Variants in DIAPH3 observed in about 807,000 individuals in gnomAD.
DIAPH3 encodes the protein protein diaphanous homolog 3.
In DIAPH3, 117 loss-of-function variants were observed where a neutral mutation model predicts 144.3. That is an observed-to-expected ratio of 0.81 (90% CI 0.70 to 0.95). The LOEUF (loss-of-function observed/expected upper bound fraction) is 0.95. DIAPH3 is among the 40% of genes least tolerant of loss of function. DIAPH3 has a pLI of 0.00. For synonymous variants in DIAPH3, 519 were observed against 488.9 expected, an observed-to-expected ratio of 1.06 and a Z score of -0.81; for missense variants, 1,421 against 1,412.7, an observed-to-expected ratio of 1.01 and a Z score of -0.09.
intron 27 of DIAPH3, among the ~76,000 whole-genome samples, chr13:59,684,659 TG>T (rs1469348354): frequency 6.6e-6 from 1 of 152,194 alleles, no homozygotes; most frequent in African/African-American, 2.4e-5. Context: ...GCCTCTTTTC[TG>T]ATGGTTACAG....
chr13:59,823,741 T>C (rs902406586), intron 24 of DIAPH3, among the ~76,000 whole-genome samples: 1 of 152,192 alleles, frequency 6.6e-6, no homozygotes, highest in African/African-American at 2.4e-5. Context: ...AAATGGCATT[T>C]AGAGTTGACA....
chr13:60,039,996 G>C (rs1045878450), intron 5 of DIAPH3, among the ~76,000 whole-genome samples: 1 of 151,888 alleles, frequency 6.6e-6, no homozygotes, highest in Non-Finnish European at 1.5e-5. Context: ...AGCACTTTGG[G>C]AGGCCAAGGC....
At position 59,789,674 on chromosome 13, in the gene DIAPH3, C is replaced by T. The variant is rs1362699712; in HGVS notation, c.3164-14851G>A. ...GAACACCGTATGATGCCCAGAGGAG[C>T]CCAGCAGTCATGCTCTGACAGCAGC... On this transcript the variant is annotated intron_variant, in intron 25 of 27. Transcript: ENST00000400324. 2.0e-5 allele frequency among the ~76,000 whole-genome samples: 3 copies of T among 152,060 alleles called. No individual in the cohort carries two copies. The East Asian group carries it at 5.8e-4, about 29-fold the overall frequency.
intron 20 of DIAPH3, among the ~76,000 whole-genome samples, chr13:59,898,242 C>T (rs2046241535): frequency 6.6e-6 from 1 of 151,914 alleles, no homozygotes; most frequent in South Asian, 2.1e-4. Flanking sequence ...TACACACATG[C>T]ATGCTCTCCT....
chr13:60,064,473 T>G (rs1380232312), intron 4 of DIAPH3, among the ~76,000 whole-genome samples: 1 of 152,212 alleles, frequency 6.6e-6, no homozygotes, highest in African/African-American at 2.4e-5. Context: ...ATGAAGGTAG[T>G]TTCTTTCCTT....
chr13:59,881,304 G>A (rs1051870040), intron 20 of DIAPH3, among the ~76,000 whole-genome samples: 1 of 151,976 alleles, frequency 6.6e-6, no homozygotes, highest in Admixed American at 6.6e-5. Context: ...ATACAAAAGA[G>A]CACTCACATG....
At chr13:59,849,769 T>A (rs1341145449) in intron 22 of DIAPH3, among the ~76,000 whole-genome samples, 3 of 71,086 alleles carry the variant, frequency 4.2e-5, no homozygotes, top group Non-Finnish European at 8.3e-5. Context: ...CCAGCTTTGT[T>A]CTTTTGGCTT....
chr13:60,000,567 T>C (rs934355903), intron 9 of DIAPH3, among the ~76,000 whole-genome samples: 28 of 152,260 alleles, frequency 1.8e-4, no homozygotes, highest in Non-Finnish European at 3.7e-4. Context: ...GTATTATATC[T>C]AAAGAGTATA....
At chr13:59,961,911 TAATG>T (rs1172241724) in intron 17 of DIAPH3, among the ~76,000 whole-genome samples, 2 of 152,214 alleles carry the variant, frequency 1.3e-5, no homozygotes, top group Non-Finnish European at 2.9e-5. Flanking sequence ...ATTATCTAAT[TAATG>T]AGTTTCATAT....
intron 23 of DIAPH3, among the ~76,000 whole-genome samples, chr13:59,837,276 T>C (rs985677527): frequency 2.6e-5 from 4 of 152,122 alleles, no homozygotes; most frequent in South Asian, 2.1e-4. Context: ...GAATGAAAAA[T>C]TGTTTCCAAC....
intron 5 of DIAPH3, among the ~76,000 whole-genome samples, chr13:60,019,818 A>G (rs1251699248): frequency 6.6e-6 from 1 of 152,164 alleles, no homozygotes; most frequent in Admixed American, 6.5e-5. Flanking sequence ...TCATTGAGCA[A>G]TAGAGGCAAC....
chr13:59,720,130 C>T (rs1238219769), intron 27 of DIAPH3, among the ~76,000 whole-genome samples: 3 of 151,976 alleles, frequency 2.0e-5, no homozygotes, highest in African/African-American at 7.2e-5. Flanking sequence ...TACCGTAACA[C>T]GATTGTAAAT....
intron 20 of DIAPH3, among the ~76,000 whole-genome samples, chr13:59,898,704 G>A (rs1057329092): frequency 3.9e-5 from 6 of 152,176 alleles, no homozygotes; most frequent in East Asian, 1.9e-4. Flanking sequence ...GGCTAACTAG[G>A]TTAGTGGACA....
chr13:59,681,774 C>T (rs998791693), intron 27 of DIAPH3, among the ~76,000 whole-genome samples: 1 of 152,050 alleles, frequency 6.6e-6, no homozygotes, highest in African/African-American at 2.4e-5. Context: ...AGGAAGGAGG[C>T]TTTGTGGGAT....
chr13:59,791,794 A>T (rs1361629211), intron 25 of DIAPH3, among the ~76,000 whole-genome samples: 4 of 152,214 alleles, frequency 2.6e-5, no homozygotes, highest in Non-Finnish European at 4.4e-5. Flanking sequence ...AGAGAGATGC[A>T]GGTCATTCAC....
At chr13:59,882,986 A>C (rs2045183274) in intron 20 of DIAPH3, among the ~76,000 whole-genome samples, 1 of 152,208 alleles carries the variant, frequency 6.6e-6, no homozygotes, top group East Asian at 1.9e-4. Flanking sequence ...AAAATCAAGA[A>C]GCAATATCCA....
intron 22 of DIAPH3, among the ~76,000 whole-genome samples, chr13:59,858,275 G>A (rs1404003485): frequency 6.6e-6 from 1 of 152,164 alleles, no homozygotes; most frequent in East Asian, 1.9e-4. Flanking sequence ...GAAAGTAAAG[G>A]AAATTGACCA....
At chr13:59,796,393 C>T (rs533471522) in intron 25 of DIAPH3, among the ~76,000 whole-genome samples, 2 of 152,306 alleles carry the variant, frequency 1.3e-5, no homozygotes, top group South Asian at 4.1e-4. Context: ...TGTTAATGAG[C>T]TCTGTTCTTA....
At chr13:59,830,791 A>G (rs990919830) in intron 24 of DIAPH3, among the ~76,000 whole-genome samples, 5 of 151,918 alleles carry the variant, frequency 3.3e-5, no homozygotes, top group African/African-American at 9.7e-5. Flanking sequence ...TGGAACAATA[A>G]TTTGGTTTGT....
Sources: gnomAD v4.1 joint callset for allele counts (sites outside exome capture counted in the v4.1 genomes callset) on GRCh38, gnomAD v4.1.1 for gene constraint, MANE v1.5 for transcripts, NCBI Gene and HGNC (gene_info 2026-07-23, HGNC 2026-07-21) for gene names.